The following DTD1 variants were observed in gnomAD, a reference collection of about 807,000 sequenced individuals.
DTD1 encodes D-tyrosyl-tRNA deacylase 1 homolog.
In DTD1, 13 loss-of-function variants were observed where a neutral mutation model predicts 25.6. The observed-to-expected ratio is 0.51, with a 90% CI of 0.33 to 0.81. The LOEUF (loss-of-function observed/expected upper bound fraction) is 0.81, where lower values mean the gene tolerates loss of function less well. Ranked by LOEUF, DTD1 falls within the 30% of genes least tolerant of loss-of-function variation. DTD1 has a pLI of 0.02. For missense variants in DTD1, 193 were observed against 266.4 expected (o/e 0.72, Z 1.92); for synonymous variants, 110 against 103.6 (o/e 1.06, Z -0.37).
chr20:18,724,705 C>T (rs966644809), intron 4 of DTD1, among the ~76,000 whole-genome samples: 1 of 152,224 alleles, frequency 6.6e-6, no homozygotes, highest in Non-Finnish European at 1.5e-5. Flanking sequence ...TATACACTTT[C>T]ATTTTTCTTC....
chr20:18,748,804 G>A (rs899807062), intron 5 of DTD1, among the ~76,000 whole-genome samples: 1 of 152,126 alleles, frequency 6.6e-6, no homozygotes, highest in Non-Finnish European at 1.5e-5. Context: ...CCTTCTCACG[G>A]TAGTGCAGAT....
At chr20:18,744,588 GTA>G (rs2061292597) in intron 5 of DTD1, among the ~76,000 whole-genome samples, 1 of 139,874 alleles carries the variant, frequency 7.1e-6, no homozygotes, top group African/African-American at 2.6e-5. Flanking sequence ...AGGCAAGAGA[GTA>G]TAAGGGTCAA....
intron 4 of DTD1, among the ~76,000 whole-genome samples, chr20:18,699,123 A>G (rs1206984694): frequency 2.0e-5 from 3 of 152,152 alleles, no homozygotes; most frequent in African/African-American, 2.4e-5. Flanking sequence ...GAGGAAGGCT[A>G]TTAGGTCAAG....
intron 4 of DTD1, among the ~76,000 whole-genome samples, chr20:18,667,083 G>A (rs1381201401): frequency 6.6e-6 from 1 of 152,178 alleles, no homozygotes; most frequent in Non-Finnish European, 1.5e-5. Context: ...AGGTGTGAGA[G>A]AATTCTAAGT....
intron 3 of DTD1, among the ~76,000 whole-genome samples, chr20:18,623,946 A>T (rs1395272183): frequency 1.3e-5 from 2 of 148,982 alleles, no homozygotes; most frequent in East Asian, 3.9e-4. Context: ...AGGGCATGCT[A>T]CTCCAGGGAC....
intron 4 of DTD1, among the ~76,000 whole-genome samples, chr20:18,656,745 T>C (rs1421535417): frequency 6.6e-6 from 1 of 152,200 alleles, no homozygotes; most frequent in Admixed American, 6.5e-5. Context: ...GAAATCAAGC[T>C]TAGACTCCAC....
intron 4 of DTD1, among the ~76,000 whole-genome samples, chr20:18,712,837 C>A (rs1236267708): frequency 6.6e-6 from 1 of 152,228 alleles, no homozygotes; most frequent in Non-Finnish European, 1.5e-5. Context: ...GGAATGTTTT[C>A]TTCCTTCAGC....
chr20:18,748,390 G>A (rs1369941379), intron 5 of DTD1, among the ~76,000 whole-genome samples: 1 of 152,094 alleles, frequency 6.6e-6, no homozygotes, highest in Non-Finnish European at 1.5e-5. Context: ...ACGGGGTATT[G>A]AGTTTTGTTA....
intron 5 of DTD1, among the ~76,000 whole-genome samples, chr20:18,748,036 G>A (rs1012225380): frequency 2.6e-5 from 4 of 151,530 alleles, no homozygotes; most frequent in South Asian, 2.1e-4. Flanking sequence ...ACAAACAAAC[G>A]AACAAAACAA....
At chr20:18,625,534 A>G (rs1199756965) in intron 3 of DTD1, among the ~76,000 whole-genome samples, 4 of 152,184 alleles carry the variant, frequency 2.6e-5, no homozygotes, top group Admixed American at 2.6e-4. Flanking sequence ...CCTGTACTTG[A>G]GGTCAGAACC....
In DTD1 at chr20:18,593,888, A is replaced by G. The variant is rs967883604; in HGVS notation, c.134+67A>G. The G allele has an allele frequency of 1.9e-5, 25 of 1,308,928 alleles. 1 individual carries two copies. The highest frequency in any genetic ancestry group is 2.7e-5 in the Non-Finnish European group (25 of 916,848). 81.1% of individuals were successfully genotyped at this position (1,308,928 alleles called of 1,614,324 possible). A position where few individuals can be genotyped will look rare whatever the true frequency, so the allele number is the denominator to read the frequency against. On this transcript the variant is annotated intron_variant, in intron 2 of 5. Transcript: ENST00000377452. The stretch of plus-strand genomic sequence containing the variant: ...GGTGGTGGTCATGCTGGGAACTTCC[A>G]TAGTACTTTGTGCCTGTGAGGTGAG...
chr20:18,659,191 A>G (rs2060900130), intron 4 of DTD1, among the ~76,000 whole-genome samples: 1 of 152,228 alleles, frequency 6.6e-6, no homozygotes, highest in Non-Finnish European at 1.5e-5. Context: ...AAAGTGAAAC[A>G]GACATCTTTT....
intron 3 of DTD1, among the ~76,000 whole-genome samples, chr20:18,611,508 C>G (rs1287574148): frequency 6.6e-6 from 1 of 152,180 alleles, no homozygotes; most frequent in Non-Finnish European, 1.5e-5. Flanking sequence ...ACTCCCTTCT[C>G]CTTTCCTAAG....
At chr20:18,595,110 T>C (rs1322981970) in intron 2 of DTD1, among the ~76,000 whole-genome samples, 1 of 152,216 alleles carries the variant, frequency 6.6e-6, no homozygotes, top group Non-Finnish European at 1.5e-5. Flanking sequence ...TGGTCAACTT[T>C]CTTGCCATGG....
At chr20:18,698,478 C>G (rs1388842030) in intron 4 of DTD1, 3 of 152,274 alleles carry the variant, frequency 2.0e-5, no homozygotes, top group African/African-American at 7.2e-5. Context: ...AACCCACATG[C>G]GTTAAGCATC....
intron 4 of DTD1, chr20:18,678,871 G>A (rs1166320071): frequency 6.6e-6 from 1 of 152,032 alleles, no homozygotes. Context: ...TATGTCGTAG[G>A]CTTAGAATCA....
At chr20:18,595,091 G>A (rs1284962090) in intron 2 of DTD1, among the ~76,000 whole-genome samples, 1 of 152,174 alleles carries the variant, frequency 6.6e-6, no homozygotes, top group Non-Finnish European at 1.5e-5. Context: ...TGACCCTATA[G>A]ATGTCACCTG....
intron 4 of DTD1, among the ~76,000 whole-genome samples, chr20:18,650,448 G>A (rs1266927672): frequency 6.6e-6 from 1 of 152,126 alleles, no homozygotes; most frequent in Non-Finnish European, 1.5e-5. Flanking sequence ...TCTCCATGAT[G>A]AAATCTGCCC....
At chr20:18,741,727 A>T (rs2061278793) in intron 4 of DTD1, among the ~76,000 whole-genome samples, 1 of 151,104 alleles carries the variant, frequency 6.6e-6, no homozygotes, top group Non-Finnish European at 1.5e-5. Context: ...TTTTTTAATT[A>T]AAAAAAATTT....
Sources: allele counts gnomAD v4.1 joint callset (sites outside exome capture counted in the v4.1 genomes callset), GRCh38; gene constraint gnomAD v4.1.1; transcripts MANE v1.5; gene names NCBI Gene and HGNC (gene_info 2026-07-23, HGNC 2026-07-21).